The following HSPA14 variants were observed in gnomAD, a reference collection of about 807,000 sequenced individuals.
The protein encoded by HSPA14 is heat shock 70 kDa protein 14.
HSPA14 carries 37 observed loss-of-function variants against 65.5 expected under a neutral mutation model. That is an observed-to-expected ratio of 0.56 (90% CI 0.43 to 0.74). The LOEUF (loss-of-function observed/expected upper bound fraction) is 0.74, where lower values mean the gene tolerates loss of function less well. HSPA14 is among the 30% of genes least tolerant of loss of function. HSPA14 has a pLI of 0.00. For synonymous variants in HSPA14, 203 were observed against 214.2 expected (o/e 0.95, Z 0.46); for missense variants, 564 against 607.6 (o/e 0.93, Z 0.75).
chr10:14,857,792 CT>C (rs1482466155), intron 10 of HSPA14, among the ~76,000 whole-genome samples: 1 of 151,934 alleles, frequency 6.6e-6, no homozygotes, highest in Non-Finnish European at 1.5e-5. Flanking sequence ...ATGAAATATA[CT>C]TTTCTTTTAA....
chr10:14,848,721 A>C, intron 4 of HSPA14, 64 bp downstream of exon 4: 4 of 1,463,888 alleles, frequency 2.7e-6, no homozygotes, highest in Non-Finnish European at 3.8e-6. Flanking sequence ...ATAACATGGA[A>C]TGTTGATTTG....
chr10:14,846,460 A>G lies in HSPA14; in HGVS notation c.222-2149A>G. 4 of 985,364 alleles carry G rather than the reference A, an allele frequency of 4.1e-6. No homozygotes were observed. In the South Asian group the frequency reaches 1.9e-4, roughly 46 times the overall value. The allele number at this position is 985,364 out of a possible 1,614,324, so 61.0% of individuals were successfully genotyped here. A position where few individuals can be genotyped will look rare whatever the true frequency, so the allele number is the denominator to read the frequency against. On this transcript the variant is annotated intron_variant, in intron 3 of 13. Transcript: ENST00000378372. ...AAAAGTCAAGGGAAAGGTCTTGAAT[A>G]AGTACACAGAAAAATAGGCTAAAAA...
Position 14,867,158 on chromosome 10 carries a change from C to T in HSPA14, c.1069C>T (p.Leu357Phe). The T allele has an allele frequency of 6.2e-7, 1 of 1,613,696 alleles. No individual in the cohort carries two copies. The highest frequency in any genetic ancestry group is 8.5e-7 in the Non-Finnish European group (1 of 1,179,704). ...TAAAGATCTTTTCCCAGCTGTTGAG[C>T]TTCTCAATTCTATCCCTCCTGATGA... is the stretch of plus-strand genomic sequence containing the variant. The part of the protein sequence containing the change: ...LIKDLFPAVE[L>F]LNSIPPDEVI... The change falls in exon 11 of 14, where the codon CTT becomes TTT. Residue 357 changes from leucine to phenylalanine, a missense_variant. Coordinates refer to ENST00000378372, the MANE Select transcript of HSPA14 (RefSeq NM_016299.4).
intron 10 of HSPA14, among the ~76,000 whole-genome samples, chr10:14,865,334 C>T (rs556182785): frequency 8.2e-4 from 124 of 151,454 alleles, no homozygotes; most frequent in South Asian, 4.6e-3. Flanking sequence ...TAATTAGATC[C>T]CATTTGTCAA....
chr10:14,866,060 C>T (rs2094741600), intron 10 of HSPA14, among the ~76,000 whole-genome samples: 3 of 151,782 alleles, frequency 2.0e-5, no homozygotes, highest in Admixed American at 2.0e-4. Flanking sequence ...CCTAGGTATA[C>T]CACTTGCTAC....
chr10:14,844,384 A>G (rs1564320185), intron 3 of HSPA14: 1 of 999,834 alleles, frequency 1.0e-6, no homozygotes, highest in South Asian at 4.2e-5. Context: ...GTATGGATAT[A>G]TACTGTGACT....
chr10:14,858,718 G>T (rs367937521), intron 10 of HSPA14, among the ~76,000 whole-genome samples: 2 of 152,180 alleles, frequency 1.3e-5, no homozygotes, highest in Admixed American at 1.3e-4. Context: ...ATCCTCTTAC[G>T]GGGAACGGGG....
intron 10 of HSPA14, among the ~76,000 whole-genome samples, chr10:14,857,343 T>A (rs1832711578): frequency 6.6e-6 from 1 of 152,214 alleles, no homozygotes; most frequent in Non-Finnish European, 1.5e-5. Context: ...TATTTTTACC[T>A]CAAGTTACTT....
chr10:14,860,362 C>A (rs58015625), intron 10 of HSPA14, among the ~76,000 whole-genome samples: 10 of 151,966 alleles, frequency 6.6e-5, no homozygotes, highest in Admixed American at 6.6e-4. Context: ...CTTCATAGAA[C>A]GAACAATATA....
chr10:14,856,436 A>T (rs927936128), intron 10 of HSPA14, among the ~76,000 whole-genome samples: 14 of 152,336 alleles, frequency 9.2e-5, no homozygotes, highest in Admixed American at 8.5e-4. Context: ...GTCTCCTCAT[A>T]ACTAGTATAC....
intron 12 of HSPA14, 135 bp from the exon 13 acceptor site, chr10:14,870,459 TAGG>T (rs1832844532): frequency 4.7e-6 from 4 of 852,736 alleles, no homozygotes; most frequent in Admixed American, 7.5e-5. Context: ...GATTCAGTGG[TAGG>T]AGAATTGAAA....
chr10:14,863,332 T>C lies in HSPA14; in HGVS notation c.994-3751T>C, dbSNP rs147457277. On this transcript the variant is annotated intron_variant, in intron 10 of 13. Transcript: ENST00000378372. ...CACTGAAAAGGGGAGCAGTCCTAGT[T>C]TTTGCTGGCATTGGTCTTAAAGGAG... Among the ~76,000 whole-genome samples, 4 of 152,260 alleles carry C rather than the reference T, an allele frequency of 2.6e-5. No individual in the cohort carries two copies. The East Asian group carries it at 7.7e-4, about 29-fold the overall frequency.
chr10:14,868,633 A>C (rs1242037448), intron 12 of HSPA14, among the ~76,000 whole-genome samples: 1 of 152,194 alleles, frequency 6.6e-6, no homozygotes, highest in African/African-American at 2.4e-5. Context: ...GTGCATTTTC[A>C]GATATCCAGG....
At chr10:14,867,393 A>G in intron 11 of HSPA14, 98 bp downstream of exon 11, 1 of 798,334 alleles carries the variant, frequency 1.3e-6, no homozygotes, top group South Asian at 1.8e-5. Flanking sequence ...TATACATACC[A>G]TGATGTTACA....
intron 5 of HSPA14, 74 bp downstream of exon 5, chr10:14,848,969 G>GT: frequency 1.2e-6 from 1 of 803,156 alleles, no homozygotes; most frequent in Non-Finnish European, 2.0e-6. Context: ...AAAGTTAGAG[G>GT]TATTTTTAGA....
intron 3 of HSPA14, chr10:14,844,717 A>G (rs1478120364): frequency 5.2e-6 from 5 of 963,940 alleles, no homozygotes; most frequent in Non-Finnish European, 4.9e-6. Flanking sequence ...ATTTTATAAA[A>G]TATTAAATAT....
At chr10:14,847,151 T>A in intron 3 of HSPA14, 1 of 393,898 alleles carries the variant, frequency 2.5e-6, no homozygotes, top group Non-Finnish European at 3.5e-6. Context: ...CGGCCCTCTT[T>A]ATAAAGCAGT....
rs1409658001 is a variant in HSPA14 at position 14,871,612 on chromosome 10, T to C, written c.*6T>C. The C allele has an allele frequency of 2.7e-6, 4 of 1,498,278 alleles. No homozygotes were observed. The highest frequency in any genetic ancestry group is 3.7e-6 in the Non-Finnish European group (4 of 1,095,456). The allele number at this position is 1,498,278 out of a possible 1,614,324, so 92.8% of individuals were successfully genotyped here. A position where few individuals can be genotyped will look rare whatever the true frequency, so the allele number is the denominator to read the frequency against. On this transcript the variant is annotated 3_prime_UTR_variant, in exon 14 of 14. Coordinates refer to ENST00000378372, the MANE Select transcript of HSPA14 (RefSeq NM_016299.4). ...CTATTGAGATAGCATCTTAGTGTTT[T>C]AGAGAAATCAAGAATTTTTAAAAAC...
intron 3 of HSPA14, among the ~76,000 whole-genome samples, chr10:14,843,157 A>G (rs753232709): frequency 6.6e-6 from 1 of 152,200 alleles, no homozygotes; most frequent in Non-Finnish European, 1.5e-5. Context: ...GCTATGTACA[A>G]AGGGGTTCAG....
Sources: allele counts gnomAD v4.1 joint callset (sites outside exome capture counted in the v4.1 genomes callset), GRCh38; gene constraint gnomAD v4.1.1; transcripts MANE v1.5; gene names NCBI Gene and HGNC (gene_info 2026-07-23, HGNC 2026-07-21).